Variants in VAV2 observed in about 807,000 individuals in gnomAD.
The protein encoded by VAV2 is guanine nucleotide exchange factor VAV2.
A neutral mutation model predicts 132.5 loss-of-function variants in VAV2; 67 were observed. The ratio of observed to expected loss-of-function variants is 0.51; its 90% confidence interval spans 0.42 to 0.62. VAV2 has a LOEUF of 0.62. VAV2 is among the 20% of genes least tolerant of loss of function. The pLI, the probability that VAV2 is intolerant of heterozygous loss-of-function variation, is 0.00. For missense variants in VAV2, 938 were observed against 1,153.6 expected, an observed-to-expected ratio of 0.81 and a Z score of 2.71; for synonymous variants, 492 against 443.5, an observed-to-expected ratio of 1.11 and a Z score of -1.37.
rs559277177 is a variant in VAV2, at chr9:133,804,995, C to T, written c.836+1086G>A. The stretch of plus-strand genomic sequence containing the variant: ...ACCCTCCTCACAGGGAAGGGGGGAG[C>T]GCCTTTCCTGAAGCTACAGAGCACA... On this transcript the variant is annotated intron_variant, in intron 9 of 29. Transcript: ENST00000371850. The surrounding 1 kb of genome is among the most constrained non-coding windows in gnomAD (Gnocchi z 4.5). Among the ~76,000 whole-genome samples, 5 of 152,244 alleles carry T rather than the reference C, an allele frequency of 3.3e-5. No individual in the cohort carries two copies. The South Asian group carries it at 8.3e-4, about 25-fold the overall frequency.
At chr9:133,830,273 G>A (rs531931526) in intron 4 of VAV2, among the ~76,000 whole-genome samples, 18 of 152,158 alleles carry the variant, frequency 1.2e-4, no homozygotes, top group Non-Finnish European at 2.4e-4. Flanking sequence ...TGCTCCAAAT[G>A]TCCCTTCCTT....
intron 25 of VAV2, among the ~76,000 whole-genome samples, chr9:133,774,194 C>T (rs1292683944): frequency 1.3e-5 from 2 of 152,230 alleles, no homozygotes; most frequent in Non-Finnish European, 2.9e-5. Flanking sequence ...GGTGGCCTGG[C>T]TGCCTGGTCC....
At position 133,788,515 on chromosome 9, in the gene VAV2, G is replaced by A; in HGVS notation, c.1275-29C>T. The A allele has an allele frequency of 6.3e-7, 1 of 1,587,120 alleles. No individual in the cohort carries two copies. Among genetic ancestry groups the A allele is most frequent in the Admixed American group, 1.7e-5 (1 of 59,640 alleles). ...GGCCAGGCAGCGCAGCGGGGGATCAGCACCCCAGCACTGTGTGCTCTGCTC... is the reference window on the plus strand; with the variant it reads ...GGCCAGGCAGCGCAGCGGGGGATCAACACCCCAGCACTGTGTGCTCTGCTC... On this transcript the variant is annotated intron_variant, in intron 14 of 29. Transcript: ENST00000371850. The surrounding 1 kb of genome is among the most constrained non-coding windows in gnomAD (Gnocchi z 5.3).
intron 22 of VAV2, among the ~76,000 whole-genome samples, chr9:133,778,539 C>G (rs535892026): frequency 3.3e-5 from 5 of 152,220 alleles, no homozygotes; most frequent in African/African-American, 7.2e-5. Flanking sequence ...AAAGCAAACA[C>G]CCGGGGAGCC....
chr9:133,900,218 GAAAGA>G (rs1839388638), intron 2 of VAV2, among the ~76,000 whole-genome samples: 2 of 151,546 alleles, frequency 1.3e-5, no homozygotes, highest in African/African-American at 2.4e-5. Context: ...AAAGAAGAAA[GAAAGA>G]AAAGAAAAGT....
At chr9:133,900,744 TA>T (rs1279930906) in intron 2 of VAV2, among the ~76,000 whole-genome samples, 1 of 149,952 alleles carries the variant, frequency 6.7e-6, no homozygotes, top group Non-Finnish European at 1.5e-5. Flanking sequence ...TTTCTCCAAT[TA>T]ATCAATCTAC....
chr9:133,778,068 C>T (rs147751455), intron 22 of VAV2, among the ~76,000 whole-genome samples: 174 of 152,150 alleles, frequency 1.1e-3, no homozygotes, highest in African/African-American at 3.3e-3. Context: ...TTGGCTCAGA[C>T]GCCCGGGTGC....
intron 1 of VAV2, among the ~76,000 whole-genome samples, chr9:133,965,529 T>C (rs1169124706): frequency 6.8e-6 from 1 of 146,886 alleles, no homozygotes; most frequent in East Asian, 2.0e-4. Flanking sequence ...AGCAATACCA[T>C]TTATAACAGC....
At chr9:133,976,533 C>T (rs1238499191) in intron 1 of VAV2, among the ~76,000 whole-genome samples, 1 of 152,206 alleles carries the variant, frequency 6.6e-6, no homozygotes, top group African/African-American at 2.4e-5. Flanking sequence ...AAGGGAGAGG[C>T]TATTTATTTT....
At chr9:133,981,549 C>A (rs1842694740) in intron 1 of VAV2, among the ~76,000 whole-genome samples, 1 of 152,224 alleles carries the variant, frequency 6.6e-6, no homozygotes, top group South Asian at 2.1e-4. Context: ...GGTGCCGAGT[C>A]CTGAGGCTCA....
intron 9 of VAV2, among the ~76,000 whole-genome samples, chr9:133,798,975 T>C (rs928463163): frequency 2.0e-5 from 3 of 152,204 alleles, no homozygotes; most frequent in South Asian, 2.1e-4. Context: ...CAGGTCACCA[T>C]GGCCTCTGGG....
rs985816095 is a variant in VAV2 at position 133,980,285 on chromosome 9, G to A, written c.204+11790C>T. 2.0e-5 allele frequency among the ~76,000 whole-genome samples: 3 copies of A among 152,206 alleles called. No individual in the cohort carries two copies. In the South Asian group the frequency reaches 6.2e-4, roughly 31 times the overall value. ...GGCACGAGGCCTCAACCCCCACACA[G>A]CTGCATGACCTCAGACTGGCCCGTC... On this transcript the variant is annotated intron_variant, in intron 1 of 29. Coordinates refer to ENST00000371850, the MANE Select transcript of VAV2 (RefSeq NM_001134398.2).
intron 29 of VAV2, among the ~76,000 whole-genome samples, chr9:133,764,957 A>C (rs952626093): frequency 3.3e-5 from 5 of 152,338 alleles, no homozygotes; most frequent in Admixed American, 6.5e-5. Flanking sequence ...ACACCTAGGC[A>C]GATTATAGTA....
rs1485047918 is a variant in VAV2 at position 133,763,723 on chromosome 9, C to T, written c.*339G>A. On this transcript the variant is annotated 3_prime_UTR_variant, in exon 30 of 30. Coordinates refer to ENST00000371850, the MANE Select transcript of VAV2 (RefSeq NM_001134398.2). This position sits in a 1 kb window ranked among gnomAD's most constrained non-coding sequence, Gnocchi z 6.8. Reference sequence around the variant, plus strand: ...CTGTTCAAACCTAGGCTCCTGAAGGCCATCTCAGTTGGACAGGGGCAGGCG... The same window carrying T: ...CTGTTCAAACCTAGGCTCCTGAAGGTCATCTCAGTTGGACAGGGGCAGGCG... 3 of 336,414 alleles carry T rather than the reference C, an allele frequency of 8.9e-6. No individual in the cohort carries two copies. The highest frequency in any genetic ancestry group is 1.7e-5 in the Non-Finnish European group (3 of 177,642). 20.8% of individuals were successfully genotyped at this position (336,414 alleles called of 1,614,324 possible).
chr9:133,970,828 C>CCACTCCTCAATCACAGT (rs1842307698), intron 1 of VAV2, among the ~76,000 whole-genome samples: 2 of 152,218 alleles, frequency 1.3e-5, no homozygotes, highest in Admixed American at 6.5e-5. Flanking sequence ...ACAGTAAATG[C>CCACTCCTCAATCACAGT]AAACGGCTTC....
chr9:133,966,896 T>G (rs381017), intron 1 of VAV2, among the ~76,000 whole-genome samples: 97,233 of 150,988 alleles, frequency 0.64, 32,495 homozygotes, highest in East Asian at 0.81. Flanking sequence ...TCAGTTGGGC[T>G]TGGTGGCGGG....
chr9:133,887,008 C>G (rs1006940167), intron 2 of VAV2, among the ~76,000 whole-genome samples: 4 of 152,258 alleles, frequency 2.6e-5, no homozygotes, highest in Non-Finnish European at 2.9e-5. Context: ...CCAAGCCCCC[C>G]CTCCCCACCC....
At chr9:133,869,502 C>T (rs1469705089) in intron 2 of VAV2, among the ~76,000 whole-genome samples, 5 of 151,998 alleles carry the variant, frequency 3.3e-5, no homozygotes, top group East Asian at 1.9e-4. Flanking sequence ...CCTGGCTACT[C>T]GGGAGGCTGA....
At chr9:133,856,722 C>G (rs140994894) in intron 3 of VAV2, among the ~76,000 whole-genome samples, 4 of 152,128 alleles carry the variant, frequency 2.6e-5, no homozygotes, top group Non-Finnish European at 4.4e-5. Context: ...CAGGAGGTGC[C>G]GGGGAGAATT....
Sources: gnomAD v4.1 joint callset for allele counts (sites outside exome capture counted in the v4.1 genomes callset) on GRCh38, gnomAD v4.1.1 for gene constraint, Gnocchi (gnomAD v3.1) non-coding constraint, MANE v1.5 for transcripts, NCBI Gene and HGNC (gene_info 2026-07-23, HGNC 2026-07-21) for gene names.